PPP2R3A: variants seen among roughly 807,000 people sequenced by gnomAD.
PPP2R3A encodes the protein protein phosphatase 2 regulatory subunit B''alpha, also known as serine/threonine-protein phosphatase 2A regulatory subunit B'' subunit alpha.
Under a neutral mutation model 106.9 loss-of-function variants are expected in PPP2R3A, and 80 were observed. The observed-to-expected ratio is 0.75, with a 90% CI of 0.62 to 0.90. PPP2R3A has a LOEUF of 0.90. PPP2R3A is among the 40% of genes least tolerant of loss of function. The pLI is 0.00. For missense variants in PPP2R3A, 1,386 were observed against 1,350.4 expected (o/e 1.03, Z -0.41); for synonymous variants, 483 against 468.3 (o/e 1.03, Z -0.41).
chr3:136,071,483 A>T (rs1414430758), intron 6 of PPP2R3A, among the ~76,000 whole-genome samples: 1 of 152,154 alleles, frequency 6.6e-6, no homozygotes, highest in Non-Finnish European at 1.5e-5. Flanking sequence ...CTCAGAAGTT[A>T]TTTTTTCCTG....
At chr3:136,128,256 A>C (rs1938260191) in intron 13 of PPP2R3A, among the ~76,000 whole-genome samples, 1 of 151,932 alleles carries the variant, frequency 6.6e-6, no homozygotes, top group Non-Finnish European at 1.5e-5. Context: ...GGTGTGCTGT[A>C]TTCAGGAGAC....
chr3:135,988,634 A>G (rs1933025872), intron 1 of PPP2R3A, among the ~76,000 whole-genome samples: 2 of 152,104 alleles, frequency 1.3e-5, no homozygotes, highest in South Asian at 4.1e-4. Flanking sequence ...CATTCAAGCC[A>G]TGCTCCCACC....
chr3:136,053,725 C>T (rs564634690), intron 5 of PPP2R3A, among the ~76,000 whole-genome samples: 3 of 152,246 alleles, frequency 2.0e-5, no homozygotes, highest in South Asian at 2.1e-4. Flanking sequence ...TTGGAGATCC[C>T]GGGAGGTCTC....
intron 8 of PPP2R3A, among the ~76,000 whole-genome samples, chr3:136,084,166 A>G (rs1383176032): frequency 1.3e-5 from 2 of 152,220 alleles, no homozygotes; most frequent in Non-Finnish European, 2.9e-5. Flanking sequence ...CTGGAGGCCT[A>G]GGAGGGAAAA....
At chr3:136,118,456 A>G (rs1937865985) in intron 13 of PPP2R3A, among the ~76,000 whole-genome samples, 1 of 152,246 alleles carries the variant, frequency 6.6e-6, no homozygotes, top group South Asian at 2.1e-4. Context: ...TGCAGATGAC[A>G]TGATTGTATA....
chr3:136,068,738 A>G (rs527448604), intron 5 of PPP2R3A, among the ~76,000 whole-genome samples: 24 of 150,656 alleles, frequency 1.6e-4, no homozygotes, highest in Non-Finnish European at 3.4e-4. Context: ...TGCCTCCATG[A>G]TATTTATCTA....
At chr3:136,121,358 C>T (rs189629340) in intron 13 of PPP2R3A, among the ~76,000 whole-genome samples, 5 of 152,270 alleles carry the variant, frequency 3.3e-5, no homozygotes, top group Admixed American at 3.3e-4. Context: ...CTTATGTTCT[C>T]ACTTATAGGT....
At chr3:136,050,114 A>AT (rs901363607) in intron 5 of PPP2R3A, among the ~76,000 whole-genome samples, 1 of 152,198 alleles carries the variant, frequency 6.6e-6, no homozygotes, top group Non-Finnish European at 1.5e-5. Flanking sequence ...TTAGTAATTT[A>AT]TTTTAGTAGC....
intron 13 of PPP2R3A, among the ~76,000 whole-genome samples, chr3:136,127,012 C>T (rs959397048): frequency 6.6e-6 from 1 of 152,142 alleles, no homozygotes; most frequent in Non-Finnish European, 1.5e-5. Context: ...ATCTGTAGGT[C>T]ACCAACATCA....
intron 5 of PPP2R3A, among the ~76,000 whole-genome samples, chr3:136,065,986 A>G (rs1362621818): frequency 6.6e-6 from 1 of 152,208 alleles, no homozygotes; most frequent in Non-Finnish European, 1.5e-5. Context: ...AGAAACTTTT[A>G]AAATCAGAAA....
intron 13 of PPP2R3A, among the ~76,000 whole-genome samples, chr3:136,125,657 G>C (rs1002432244): frequency 6.6e-6 from 1 of 151,718 alleles, no homozygotes; most frequent in African/African-American, 2.4e-5. Context: ...GACCAGCCTG[G>C]GTAACATAGT....
chr3:136,116,354 C>T (rs952885481), intron 13 of PPP2R3A, among the ~76,000 whole-genome samples: 6 of 152,142 alleles, frequency 3.9e-5, no homozygotes, highest in African/African-American at 1.2e-4. Flanking sequence ...AAATAACTAG[C>T]TAGCATCATA....
chr3:136,074,331 A>C (rs1489520694), intron 6 of PPP2R3A, among the ~76,000 whole-genome samples: 1 of 152,240 alleles, frequency 6.6e-6, no homozygotes, highest in African/African-American at 2.4e-5. Context: ...ACAGACCATC[A>C]GCTATTTGTA....
intron 13 of PPP2R3A, among the ~76,000 whole-genome samples, chr3:136,118,797 A>G (rs900159217): frequency 5.9e-5 from 9 of 152,214 alleles, no homozygotes; most frequent in African/African-American, 1.9e-4. Flanking sequence ...CATACTGACC[A>G]AAGTAATTTA....
rs747975751 is a variant in PPP2R3A at position 136,001,489 on chromosome 3, A to G, written c.-10A>G. On this transcript the variant is annotated 5_prime_UTR_variant, in exon 2 of 14. Transcript: ENST00000264977. Reference sequence around the variant, plus strand: ...AGTTCCAAGTCCCACCAGTAAGTGGATTTGATATTATGGCAGCAACTTACA... The same window carrying G: ...AGTTCCAAGTCCCACCAGTAAGTGGGTTTGATATTATGGCAGCAACTTACA... 1.9e-6 allele frequency: 3 copies of G among 1,605,384 alleles called. No individual in the cohort carries two copies. In the South Asian group the frequency reaches 3.3e-5, roughly 18 times the overall value.
chr3:136,072,358 G>A (rs577956215), intron 6 of PPP2R3A, among the ~76,000 whole-genome samples: 18 of 152,282 alleles, frequency 1.2e-4, no homozygotes, highest in South Asian at 6.2e-4. Flanking sequence ...TTGGGAGCCC[G>A]AGGCAGACAG....
intron 2 of PPP2R3A, among the ~76,000 whole-genome samples, chr3:136,014,249 T>C (rs1934195339): frequency 6.6e-6 from 1 of 152,134 alleles, no homozygotes; most frequent in South Asian, 2.1e-4. Flanking sequence ...AGTCAGGTAA[T>C]GTGATGCCTC....
chr3:136,053,293 T>C (rs1935743800), intron 5 of PPP2R3A, among the ~76,000 whole-genome samples: 1 of 151,932 alleles, frequency 6.6e-6, no homozygotes, highest in Admixed American at 6.6e-5. Context: ...AAATAAAAGT[T>C]TAAAAAAGAT....
chr3:136,116,355 T>C (rs1937761584), intron 13 of PPP2R3A, among the ~76,000 whole-genome samples: 1 of 152,172 alleles, frequency 6.6e-6, no homozygotes, highest in African/African-American at 2.4e-5. Flanking sequence ...AATAACTAGC[T>C]AGCATCATAA....
Sources: gnomAD v4.1 joint callset for allele counts (sites outside exome capture counted in the v4.1 genomes callset) on GRCh38, gnomAD v4.1.1 for gene constraint, MANE v1.5 for transcripts, NCBI Gene and HGNC (gene_info 2026-07-23, HGNC 2026-07-21) for gene names.